The following EMSY variants were observed in gnomAD, a reference collection of about 807,000 sequenced individuals.
EMSY encodes the protein EMSY transcriptional repressor, BRCA2 interacting, also known as BRCA2-interacting transcriptional repressor EMSY.
In EMSY, 26 loss-of-function variants were observed where a neutral mutation model predicts 134.6. The observed-to-expected ratio is 0.19, with a 90% CI of 0.14 to 0.27. EMSY has a LOEUF of 0.27. Among genes scored for constraint, EMSY ranks in the 10% least tolerant of loss-of-function variants. The pLI is 1.00. For synonymous variants in EMSY, 579 were observed against 577.8 expected (o/e 1.00, Z -0.03); for missense variants, 1,305 against 1,611.4 (o/e 0.81, Z 3.26).
chr11:76,528,091 T>TA (rs1950907160), intron 13 of EMSY, among the ~76,000 whole-genome samples, 177 bp from the exon 15 acceptor site: 1 of 152,142 alleles, frequency 6.6e-6, no homozygotes, highest in East Asian at 1.9e-4. Context: ...GTATATGGCT[T>TA]ACACTGTAAT....
chr11:76,505,244 G>A (rs551387972), intron 9 of EMSY, among the ~76,000 whole-genome samples: 71 of 152,156 alleles, frequency 4.7e-4, no homozygotes, highest in Admixed American at 1.8e-3. Flanking sequence ...AGCACTTTGG[G>A]AGGCCAAGGC....
At chr11:76,536,002 G>A (rs1405819283) in exon 15 of EMSY, 1 of 1,600,950 alleles carries the variant, frequency 6.2e-7, no homozygotes, top group Admixed American at 1.7e-5. Flanking sequence ...TGTATCCAGT[G>A]AATCACAATC....
chr11:76,535,539 A>G (rs1410380667), intron 14 of EMSY, among the ~76,000 whole-genome samples: 1 of 152,194 alleles, frequency 6.6e-6, no homozygotes, highest in East Asian at 1.9e-4. Context: ...AATAGCAATT[A>G]TCACATTGAG....
intron 8 of EMSY, among the ~76,000 whole-genome samples, chr11:76,493,240 C>G (rs979209564): frequency 1.3e-5 from 2 of 152,194 alleles, no homozygotes; most frequent in African/African-American, 2.4e-5. Flanking sequence ...CCGCCTGAAC[C>G]GCCCCCACCC....
intron 8 of EMSY, among the ~76,000 whole-genome samples, chr11:76,492,008 C>T (rs1381969395): frequency 6.6e-6 from 1 of 152,202 alleles, no homozygotes; most frequent in Non-Finnish European, 1.5e-5. Flanking sequence ...TGATTGTCTT[C>T]TCTGACCTTT....
Position 76,446,712 on chromosome 11 carries a change from C to T in EMSY, c.-39-188C>T, listed in dbSNP as rs1002749097. Reference sequence around the variant, plus strand: ...GGCTCTAAAGCCTGTGTTCTTTCCACTGTGATAGTTCAAATGACTTAATTC... The same window carrying T: ...GGCTCTAAAGCCTGTGTTCTTTCCATTGTGATAGTTCAAATGACTTAATTC... On this transcript the variant is annotated intron_variant, in intron 1 of 20. Coordinates refer to ENST00000334736, the Ensembl canonical transcript of EMSY. Among the ~76,000 whole-genome samples, 6 of 152,340 alleles carry T rather than the reference C, an allele frequency of 3.9e-5. No individual in the cohort carries two copies. The South Asian group carries it at 8.3e-4, about 21-fold the overall frequency.
chr11:76,535,195 T>C (rs1220342067), intron 14 of EMSY, among the ~76,000 whole-genome samples: 1 of 152,150 alleles, frequency 6.6e-6, no homozygotes, highest in Non-Finnish European at 1.5e-5. Context: ...GGAAGAGAGA[T>C]AATTTTATTC....
intron 6 of EMSY, among the ~76,000 whole-genome samples, chr11:76,463,308 G>A (rs1485535247): frequency 6.6e-6 from 1 of 150,760 alleles, no homozygotes; most frequent in African/African-American, 2.4e-5. Context: ...GGGCGACAGA[G>A]TGAGACTTTG....
rs541556018 is a variant in EMSY, at chr11:76,465,881, G to A, written c.831+1801G>A. On this transcript the variant is annotated intron_variant, in intron 7 of 20. Coordinates refer to ENST00000334736, the Ensembl canonical transcript of EMSY. ...TAAATTGACCTAGCTGGACTATTTT[G>A]TTCAGGAACATCCACTACCCCTTTA... Among the ~76,000 whole-genome samples the A allele has an allele frequency of 5.8e-4, 89 of 152,306 alleles. 1 individual carries two copies. Among genetic ancestry groups the A allele is most frequent in the Non-Finnish European group, 1.1e-3 (73 of 68,018 alleles).
intron 12 of EMSY, among the ~76,000 whole-genome samples, chr11:76,525,866 A>G (rs1235290357): frequency 1.3e-5 from 2 of 152,104 alleles, no homozygotes; most frequent in Non-Finnish European, 2.9e-5. Flanking sequence ...TTTTTCCTAT[A>G]TATAACCTTA....
intron 9 of EMSY, among the ~76,000 whole-genome samples, chr11:76,512,417 G>A (rs1004680919): frequency 1.2e-4 from 19 of 152,092 alleles, no homozygotes; most frequent in Admixed American, 3.3e-4. Flanking sequence ...TCTGTTTTTA[G>A]TAGTGGTATT....
intron 12 of EMSY, among the ~76,000 whole-genome samples, chr11:76,525,958 A>AT (rs1950831740): frequency 6.6e-6 from 1 of 152,086 alleles, no homozygotes; most frequent in South Asian, 2.1e-4. Flanking sequence ...TTATAATTTC[A>AT]TATATGTAGA....
At chr11:76,507,453 G>T (rs1424844103) in intron 9 of EMSY, among the ~76,000 whole-genome samples, 1 of 152,202 alleles carries the variant, frequency 6.6e-6, no homozygotes, top group African/African-American at 2.4e-5. Context: ...ACGTGCCATT[G>T]CTTTATCAAC....
chr11:76,510,919 T>A (rs192157944), intron 9 of EMSY, among the ~76,000 whole-genome samples: 84 of 152,258 alleles, frequency 5.5e-4, no homozygotes, highest in African/African-American at 2.0e-3. Flanking sequence ...TACCACAGAT[T>A]TTGCCTTTCT....
intron 7 of EMSY, among the ~76,000 whole-genome samples, 186 bp downstream of exon 8, chr11:76,464,266 T>C (rs994550238): frequency 6.6e-6 from 1 of 152,248 alleles, no homozygotes; most frequent in Non-Finnish European, 1.5e-5. Flanking sequence ...GTTTTGCAGA[T>C]GAGGCTTTGC....
chr11:76,507,654 A>G (rs1463773613), intron 9 of EMSY, among the ~76,000 whole-genome samples: 2 of 152,082 alleles, frequency 1.3e-5, no homozygotes, highest in African/African-American at 4.8e-5. Context: ...TAAACCACTC[A>G]AAGTCATCCA....
At chr11:76,502,287 CAAAAAAAAAA>C (rs34882734) in intron 9 of EMSY, among the ~76,000 whole-genome samples, 2 of 8,536 alleles carry the variant, frequency 2.3e-4, no homozygotes, top group Admixed American at 9.1e-4. Context: ...AGAAAATGGG[CAAAAAAAAAA>C]AAAAAAAAAA....
chr11:76,476,004 C>G (rs1480422704), intron 8 of EMSY, among the ~76,000 whole-genome samples: 1 of 152,222 alleles, frequency 6.6e-6, no homozygotes, highest in East Asian at 1.9e-4. Flanking sequence ...TCTTCTCTCT[C>G]TTTTGTCCTT....
intron 18 of EMSY, among the ~76,000 whole-genome samples, chr11:76,543,495 C>T (rs3758715): frequency 0.14 from 20,596 of 152,152 alleles, 1,746 homozygotes; most frequent in East Asian, 0.28. Context: ...CTGGCAGCTC[C>T]TGACATTGAC....
Sources: allele counts gnomAD v4.1 joint callset (sites outside exome capture counted in the v4.1 genomes callset), GRCh38; gene constraint gnomAD v4.1.1; transcripts MANE v1.5; gene names NCBI Gene and HGNC (gene_info 2026-07-23, HGNC 2026-07-21).